Variants in NBPF19 observed in about 807,000 individuals in gnomAD.
The protein encoded by NBPF19 is NBPF family member NBPF19.
Under a neutral mutation model 45.9 loss-of-function variants are expected in NBPF19, and 30 were observed. The observed-to-expected ratio is 0.65, with a 90% CI of 0.49 to 0.89. The LOEUF (loss-of-function observed/expected upper bound fraction) is 0.89, where lower values mean the gene tolerates loss of function less well. Among genes scored for constraint, NBPF19 ranks in the 40% least tolerant of loss-of-function variants. The pLI is 0.00. For synonymous variants in NBPF19, 183 were observed against 181.2 expected (o/e 1.01, Z -0.08); for missense variants, 495 against 471.8 (o/e 1.05, Z -0.46).
At chr1:149,487,605 A>G (rs2085638952) in intron 9 of NBPF19, among the ~76,000 whole-genome samples, 2 of 150,706 alleles carry the variant, frequency 1.3e-5, no homozygotes, top group African/African-American at 2.4e-5. Context: ...CCATACCTCA[A>G]AAGCTGTATT....
At chr1:149,553,745 G>A in intron 92 of NBPF19, 29 bp from the exon 93 acceptor site, 6 of 111,216 alleles carry the variant, frequency 5.4e-5, no homozygotes, top group Non-Finnish European at 8.9e-5. Context: ...TCAGCTTAAT[G>A]TGTCTGTCCA....
At chr1:149,487,250 C>T in intron 8 of NBPF19, 82 bp from the exon 9 acceptor site, 3 of 937,916 alleles carry the variant, frequency 3.2e-6, no homozygotes, top group South Asian at 1.3e-5. Flanking sequence ...ACTGATGTCC[C>T]TGTGTTAGGA....
chr1:149,491,162 T>A lies in NBPF19; in HGVS notation c.1514T>A (p.Val505Glu), dbSNP rs1279782332. Reference protein sequence around the residue: ...CPRLSRELVEVVEPEVLQDSL... With the variant: ...CPRLSRELVEEVEPEVLQDSL... ...AGGCTCAGCAGGGAGCTGGTGGAGG[T>A]AGTAGAGCCTGAAGTCTTGCAGGAC... Residue 505 changes from valine to glutamate, a missense_variant, in exon 14 of 94, where the codon GTA becomes GAA. Physicochemically the swap from Val to Glu is moderately radical, Grantham distance 121. Coordinates refer to ENST00000651566, the MANE Select transcript of NBPF19 (RefSeq NM_001351365.2). The A allele has an allele frequency of 1.4e-4, 38 of 278,546 alleles. 1 individual carries two copies. The African/African-American group carries it at 3.3e-3, about 24-fold the overall frequency. 17.3% of individuals were successfully genotyped at this position (278,546 alleles called of 1,614,324 possible).
Position 149,490,919 on chromosome 1 carries a change from TGC to T in NBPF19, c.1491-218_1491-217del, listed in dbSNP as rs1239903588. Among the ~76,000 whole-genome samples the T allele has an allele frequency of 2.8e-4, 36 of 130,552 alleles. 3 individuals are homozygous for T. Among genetic ancestry groups the T allele is most frequent in the African/African-American group, 1.0e-3 (34 of 33,502 alleles). The allele number at this position is 130,552 out of a possible 152,430, so 85.6% of individuals were successfully genotyped here. ...CTCTCTGTGTGTGTGTGTGTGTGTG[TGC>T]GTGTGTGTGTGTGTGTGTGTGTGTC... On this transcript the variant is annotated intron_variant, in intron 13 of 93. Transcript: ENST00000651566.
intron 3 of NBPF19, 84 bp downstream of exon 3, chr1:149,478,131 C>A (rs1461688573): frequency 4.9e-6 from 4 of 823,672 alleles, no homozygotes; most frequent in African/African-American, 1.7e-5. Context: ...GAAATAAGAA[C>A]GAAGCTGGGC....
chr1:149,478,266 AG>A (rs1333777132), intron 3 of NBPF19, among the ~76,000 whole-genome samples: 1 of 151,190 alleles, frequency 6.6e-6, no homozygotes, highest in Admixed American at 6.6e-5. Context: ...TTTTCAAACA[AG>A]TAATTGTTGA....
rs1212253849 is a variant in NBPF19 at position 149,554,807 on chromosome 1, G to C, written c.*69G>C. 5.0e-6 allele frequency: 8 copies of C among 1,602,646 alleles called. 2 individuals are homozygous for C. Among genetic ancestry groups the C allele is most frequent in the Non-Finnish European group, 5.1e-6 (6 of 1,172,594 alleles). ...CCTATAGGCACGTGAAGATTTGAATGAAACTACAGTTCCATTTGGAAGCCC... is the reference window on the plus strand; with the variant it reads ...CCTATAGGCACGTGAAGATTTGAATCAAACTACAGTTCCATTTGGAAGCCC... On this transcript the variant is annotated 3_prime_UTR_variant, in exon 94 of 94. Coordinates refer to ENST00000651566, the MANE Select transcript of NBPF19 (RefSeq NM_001351365.2).
rs1421635426 is a variant in NBPF19 at position 149,487,863 on chromosome 1, C to A, written c.1041-150C>A. ...CCTTTTCTACCTGGCCCTAGTCTAT[C>A]CCAACATAAAGGCAATAATTTGTTA... On this transcript the variant is annotated intron_variant, in intron 9 of 93. Coordinates refer to ENST00000651566, the MANE Select transcript of NBPF19 (RefSeq NM_001351365.2). 129 of 684,564 alleles carry A rather than the reference C, an allele frequency of 1.9e-4. 2 individuals are homozygous for A. In the East Asian group the frequency reaches 3.5e-3, roughly 19 times the overall value. 42.4% of individuals were successfully genotyped at this position (684,564 alleles called of 1,614,324 possible).
rs2087207171 is a variant in NBPF19, at chr1:149,554,803, G to A, written c.*65G>A. On this transcript the variant is annotated 3_prime_UTR_variant, in exon 94 of 94. Coordinates refer to ENST00000651566, the MANE Select transcript of NBPF19 (RefSeq NM_001351365.2). ...AGGACCTATAGGCACGTGAAGATTTGAATGAAACTACAGTTCCATTTGGAA... is the reference window on the plus strand; with the variant it reads ...AGGACCTATAGGCACGTGAAGATTTAAATGAAACTACAGTTCCATTTGGAA... 2 of 1,603,618 alleles carry A rather than the reference G, an allele frequency of 1.2e-6. No homozygotes were observed. Among genetic ancestry groups the A allele is most frequent in the African/African-American group, 1.3e-5 (1 of 74,654 alleles).
chr1:149,487,099 G>C (rs1408775038), intron 8 of NBPF19, among the ~76,000 whole-genome samples: 2 of 150,832 alleles, frequency 1.3e-5, no homozygotes, highest in African/African-American at 4.9e-5. Flanking sequence ...ACCTAGGACA[G>C]AGCACATAGG....
chr1:149,520,873 G>GTA (rs2086685425), intron 51 of NBPF19, among the ~76,000 whole-genome samples, 190 bp downstream of exon 51: 1 of 28,454 alleles, frequency 3.5e-5, no homozygotes, highest in African/African-American at 1.5e-4. Context: ...ATTTACTAAC[G>GTA]TACCATAGGT....
rs1166207238 is a variant in NBPF19, at chr1:149,554,661, T to A, written c.11455T>A (p.Leu3819Met). ...EEEHISFALY[L>M]DNRFFTLTVT... ...AGAGCATATCAGCTTCGCCCTTTAC[T>A]TGGACAATAGGTTTTTTACTTTGAC... is the stretch of plus-strand genomic sequence containing the variant. Residue 3819 changes from leucine to methionine, a missense_variant, in exon 94 of 94, where the codon TTG (leucine) becomes ATG (methionine). Leu to Met is a conservative substitution (Grantham distance 15). This residue lies in a region of NBPF19 where 248 missense variants were observed against 95.4 expected (regional missense o/e 2.60). Coordinates refer to ENST00000651566, the MANE Select transcript of NBPF19 (RefSeq NM_001351365.2). The A allele has an allele frequency of 6.8e-6, 11 of 1,607,970 alleles. 1 individual carries two copies. The African/African-American group carries it at 9.4e-5, about 14-fold the overall frequency.
chr1:149,554,248 C>A (rs1253587737), intron 93 of NBPF19, among the ~76,000 whole-genome samples: 1 of 151,668 alleles, frequency 6.6e-6, no homozygotes, highest in East Asian at 1.9e-4. Flanking sequence ...GTCACCTGGC[C>A]AATTCACTAG....
In NBPF19 at chr1:149,554,881, A is replaced by G. The variant is rs1202422839; in HGVS notation, c.*143A>G. On this transcript the variant is annotated 3_prime_UTR_variant, in exon 94 of 94. Transcript: ENST00000651566. ...ATGGCTCTTTTCCTATTCTCAAACC[A>G]TGCCAGTGGCAACCTGTGCTCAGTC... 4 of 1,445,678 alleles carry G rather than the reference A, an allele frequency of 2.8e-6. No homozygotes were observed. Among genetic ancestry groups the G allele is most frequent in the East Asian group, 2.3e-5 (1 of 43,850 alleles). 89.6% of individuals were successfully genotyped at this position (1,445,678 alleles called of 1,614,324 possible).
chr1:149,490,747 T>C (rs2085810048), intron 13 of NBPF19, among the ~76,000 whole-genome samples: 1 of 55,428 alleles, frequency 1.8e-5, no homozygotes, highest in Non-Finnish European at 3.3e-5. Context: ...GCATGGAAAC[T>C]TGAGCACATT....
chr1:149,554,359 T>TC, intron 93 of NBPF19, 136 bp from the exon 94 acceptor site: 1 of 1,342,628 alleles, frequency 7.4e-7, no homozygotes, highest in South Asian at 1.4e-5. Flanking sequence ...AGGCAATAAA[T>TC]TTTTTTTTTT....
chr1:149,554,623 A>G lies in NBPF19; in HGVS notation c.11417A>G (p.Tyr3806Cys). ...DSFQHYRSVFYSFEEEHISFA... is the reference protein window; with the variant it reads ...DSFQHYRSVFCSFEEEHISFA... ...TTCCAGCACTACAGAAGTGTGTTTT[A>G]CTCATTTGAGGAAGAGCATATCAGC... is the stretch of plus-strand genomic sequence containing the variant. The change falls in exon 94 of 94, where the codon TAC (tyrosine) becomes TGC (cysteine). Residue 3806 changes from tyrosine to cysteine, a missense_variant. Around this residue, in one of 8 missense-constraint regions of NBPF19, gnomAD observed 248 missense variants for 95.4 expected, o/e 2.60. Transcript: ENST00000651566. 8.7e-6 allele frequency: 14 copies of G among 1,608,238 alleles called. No individual in the cohort carries two copies. Among genetic ancestry groups the G allele is most frequent in the Non-Finnish European group, 1.1e-5 (13 of 1,176,750 alleles).
intron 9 of NBPF19, 78 bp downstream of exon 9, chr1:149,487,461 T>C (rs1176714985): frequency 1.0e-6 from 1 of 956,852 alleles, no homozygotes; most frequent in Non-Finnish European, 1.7e-6. Context: ...CAGTACATGC[T>C]GAAAATAATG....
intron 51 of NBPF19, among the ~76,000 whole-genome samples, chr1:149,521,110 C>CTCTCTGTCTCTG (rs2086716565): frequency 1.2e-5 from 1 of 83,572 alleles, no homozygotes; most frequent in Non-Finnish European, 2.6e-5. Flanking sequence ...CTCTGTCTCT[C>CTCTCTGTCTCTG]TCTCTCTCTC....
Sources: gnomAD v4.1 joint callset for allele counts (sites outside exome capture counted in the v4.1 genomes callset) on GRCh38, gnomAD v4.1.1 for gene constraint, gnomAD v4.1.1 regional missense constraint, MANE v1.5 for transcripts, NCBI Gene and HGNC (gene_info 2026-07-23, HGNC 2026-07-21) for gene names.